The following PARD3 variants were observed in gnomAD, a reference collection of about 807,000 sequenced individuals.
PARD3 encodes par-3 family cell polarity regulator.
Under a neutral mutation model 155.4 loss-of-function variants are expected in PARD3, and 75 were observed. The observed-to-expected ratio is 0.48, with a 90% confidence interval of 0.40 to 0.58. The LOEUF (loss-of-function observed/expected upper bound fraction) is 0.58. PARD3 is among the 20% of genes least tolerant of loss of function. The pLI is 0.00. For synonymous variants in PARD3, 576 were observed against 610.5 expected (o/e 0.94, Z 0.83); for missense variants, 1,642 against 1,721.7 (o/e 0.95, Z 0.82).
At chr10:34,390,370 T>C (rs530351477) in intron 7 of PARD3, among the ~76,000 whole-genome samples, 1 of 152,274 alleles carries the variant, frequency 6.6e-6, no homozygotes, top group African/African-American at 2.4e-5. Flanking sequence ...AGCACCAGAA[T>C]ACCAAGCACC....
At chr10:34,803,461 T>C (rs553163351) in intron 1 of PARD3, among the ~76,000 whole-genome samples, 2 of 152,102 alleles carry the variant, frequency 1.3e-5, no homozygotes, top group South Asian at 2.1e-4. Flanking sequence ...GTGTGAGTCT[T>C]AAAACGTAAA....
At chr10:34,726,585 A>AAC (rs1254383097) in intron 1 of PARD3, among the ~76,000 whole-genome samples, 2 of 151,946 alleles carry the variant, frequency 1.3e-5, no homozygotes, top group African/African-American at 2.4e-5. Flanking sequence ...CCTGTCTCAA[A>AAC]ACACACACAC....
intron 22 of PARD3, among the ~76,000 whole-genome samples, chr10:34,267,551 T>C (rs2133843906): frequency 6.6e-6 from 1 of 152,270 alleles, no homozygotes; most frequent in Admixed American, 6.5e-5. Flanking sequence ...GCTATAGCAT[T>C]TCACCTTAAG....
intron 2 of PARD3, among the ~76,000 whole-genome samples, chr10:34,522,010 A>AATG (rs1344053465): frequency 2.0e-5 from 3 of 152,198 alleles, no homozygotes; most frequent in Non-Finnish European, 4.4e-5. Context: ...TAGACAGAAT[A>AATG]ATGGTCTCCC....
chr10:34,713,991 G>A (rs1392602702), intron 1 of PARD3, among the ~76,000 whole-genome samples: 2 of 152,038 alleles, frequency 1.3e-5, no homozygotes, highest in Non-Finnish European at 2.9e-5. Context: ...AGAACTTTAA[G>A]GTTACTCATC....
intron 22 of PARD3, among the ~76,000 whole-genome samples, chr10:34,167,103 TGCC>T (rs1325227047): frequency 1.3e-5 from 2 of 152,228 alleles, no homozygotes; most frequent in African/African-American, 4.8e-5. Context: ...TGTCTAAATC[TGCC>T]GCTTACGGGC....
At chr10:34,119,400 T>C (rs551947408) in intron 24 of PARD3, among the ~76,000 whole-genome samples, 4 of 152,026 alleles carry the variant, frequency 2.6e-5, no homozygotes, top group African/African-American at 9.6e-5. Flanking sequence ...GTGAAAATAC[T>C]GGCATCTCCT....
intron 2 of PARD3, among the ~76,000 whole-genome samples, chr10:34,651,366 T>C (rs1182501357): frequency 6.6e-6 from 1 of 152,214 alleles, no homozygotes; most frequent in Non-Finnish European, 1.5e-5. Flanking sequence ...TGTCACAGGC[T>C]TTCTCTGTGC....
chr10:34,347,504 A>G lies in PARD3; in HGVS notation c.2218+461T>C, dbSNP rs115771499. ...ACATCCTATTAAATACAAACCAGAT[A>G]CATGTGAATATTTTATATATGTGTG... On this transcript the variant is annotated intron_variant, in intron 15 of 24. Coordinates refer to ENST00000374788, the MANE Select transcript of PARD3 (RefSeq NM_001184785.2). 5.7e-3 allele frequency among the ~76,000 whole-genome samples: 876 copies of G among 152,362 alleles called. 4 individuals are homozygous for G. The highest frequency in any genetic ancestry group is 0.02 in the African/African-American group (826 of 41,592).
In PARD3 at chr10:34,625,536, G is replaced by A. The variant is rs568262236; in HGVS notation, c.222+70782C>T. ...AACGTAGCTAGAAAAGTACAAGCTC[G>A]GTCATTTCCTGTTAATGAGGCCTGA... On this transcript the variant is annotated intron_variant, in intron 2 of 24. Coordinates refer to ENST00000374788, the MANE Select transcript of PARD3 (RefSeq NM_001184785.2). 3.5e-4 allele frequency among the ~76,000 whole-genome samples: 54 copies of A among 152,280 alleles called. 1 individual carries two copies. The highest frequency in any genetic ancestry group is 3.4e-3 in the Middle Eastern group (1 of 292).
intron 20 of PARD3, among the ~76,000 whole-genome samples, chr10:34,292,731 T>C (rs1316683206): frequency 6.6e-6 from 1 of 152,074 alleles, no homozygotes; most frequent in Non-Finnish European, 1.5e-5. Flanking sequence ...TATTTTTTTT[T>C]TTAAAGAAAA....
At chr10:34,440,166 C>T (rs1460098021) in intron 5 of PARD3, among the ~76,000 whole-genome samples, 1 of 152,076 alleles carries the variant, frequency 6.6e-6, no homozygotes, top group African/African-American at 2.4e-5. Context: ...TTAAAAATGA[C>T]TTATAAAAGT....
chr10:34,585,249 G>A (rs1037048700), intron 2 of PARD3, among the ~76,000 whole-genome samples: 5 of 152,102 alleles, frequency 3.3e-5, no homozygotes, highest in Admixed American at 1.3e-4. Context: ...CTCGAAAATC[G>A]TGATATTTAA....
intron 15 of PARD3, chr10:34,345,464 G>T: frequency 2.0e-6 from 2 of 984,948 alleles, no homozygotes; most frequent in Non-Finnish European, 2.4e-6. Context: ...TATCATAGCA[G>T]ATCATGAAGT....
intron 22 of PARD3, among the ~76,000 whole-genome samples, chr10:34,263,155 G>T (rs981821742): frequency 2.6e-5 from 4 of 152,222 alleles, no homozygotes; most frequent in Non-Finnish European, 5.9e-5. Context: ...GAAAGCATAT[G>T]TGTTTTCCTG....
At chr10:34,269,959 T>C (rs1235388460) in intron 21 of PARD3, 60 bp from the exon 22 acceptor site, 2 of 1,483,894 alleles carry the variant, frequency 1.3e-6, no homozygotes, top group African/African-American at 1.4e-5. Flanking sequence ...GAACTGCATA[T>C]AGAAACATTC....
intron 5 of PARD3, among the ~76,000 whole-genome samples, chr10:34,426,384 C>T (rs1420540510): frequency 6.6e-6 from 1 of 152,110 alleles, no homozygotes; most frequent in Non-Finnish European, 1.5e-5. Context: ...AAACAGAATC[C>T]ATCCACTTTT....
chr10:34,654,009 G>A (rs2093093618), intron 2 of PARD3, among the ~76,000 whole-genome samples: 1 of 152,078 alleles, frequency 6.6e-6, no homozygotes, highest in South Asian at 2.1e-4. Context: ...CTTATACGTT[G>A]CTTCACATTA....
At chr10:34,371,687 T>A (rs989404002) in intron 12 of PARD3, among the ~76,000 whole-genome samples, 12 of 152,064 alleles carry the variant, frequency 7.9e-5, no homozygotes, top group Non-Finnish European at 1.5e-4. Flanking sequence ...ATATTGACAT[T>A]ACCTACTATG....
Sources: allele counts gnomAD v4.1 joint callset (sites outside exome capture counted in the v4.1 genomes callset), GRCh38; gene constraint gnomAD v4.1.1; transcripts MANE v1.5; gene names NCBI Gene and HGNC (gene_info 2026-07-23, HGNC 2026-07-21).